Variants in ASB3 observed in about 807,000 individuals in gnomAD.
The protein encoded by ASB3 is ankyrin repeat and SOCS box containing 3.
In ASB3, 41 loss-of-function variants were observed where a neutral mutation model predicts 54.5. The ratio of observed to expected loss-of-function variants is 0.75; its 90% CI spans 0.59 to 0.98. The LOEUF (loss-of-function observed/expected upper bound fraction) is 0.98, where lower values mean the gene tolerates loss of function less well. Among genes scored for constraint, ASB3 ranks in the 50% least tolerant of loss-of-function variants. The probability of loss-of-function intolerance (pLI) is 0.00; values close to 1 mark genes in which losing one functional copy is unlikely to be tolerated. For missense variants in ASB3, 733 were observed against 620.0 expected (o/e 1.18, Z -1.94); for synonymous variants, 266 against 221.2 (o/e 1.20, Z -1.80).
At chr2:53,755,977 A>ACCCC (rs112277299) in intron 2 of ASB3, among the ~76,000 whole-genome samples, 2 of 132,878 alleles carry the variant, frequency 1.5e-5, no homozygotes, top group Non-Finnish European at 3.3e-5. Flanking sequence ...AAATAGTAAG[A>ACCCC]CCCCCCCCCC....
At chr2:53,671,528 G>A (rs1273071809) in intron 9 of ASB3, among the ~76,000 whole-genome samples, 1 of 152,204 alleles carries the variant, frequency 6.6e-6, no homozygotes, top group Non-Finnish European at 1.5e-5. Context: ...GGGAGGCTGA[G>A]GCGGGCAGAT....
At chr2:53,785,688 CA>C (rs142720043) in intron 1 of ASB3, among the ~76,000 whole-genome samples, 2,131 of 152,256 alleles carry the variant, frequency 0.014, 50 homozygotes, top group African/African-American at 0.049. Flanking sequence ...ACTAAAAATA[CA>C]AAAATTAGGG....
At chr2:53,737,724 G>GAAAAA (rs543660229) in intron 3 of ASB3, among the ~76,000 whole-genome samples, 1 of 63,876 alleles carries the variant, frequency 1.6e-5, no homozygotes. Context: ...TTTAAAAAAG[G>GAAAAA]AAAAAAAAAA....
chr2:53,767,838 C>A (rs773494026), intron 1 of ASB3: 7 of 1,560,416 alleles, frequency 4.5e-6, no homozygotes, highest in Non-Finnish European at 6.1e-6. Context: ...CCCGGCGGCG[C>A]GGCGACAGCT....
chr2:53,711,442 G>A (rs1012168421), intron 7 of ASB3, among the ~76,000 whole-genome samples: 3 of 151,972 alleles, frequency 2.0e-5, no homozygotes, highest in Admixed American at 2.0e-4. Flanking sequence ...TGGTGCCACT[G>A]GTGCTACTCA....
At chr2:53,704,301 A>G (rs1669648656) in intron 7 of ASB3, among the ~76,000 whole-genome samples, 1 of 150,842 alleles carries the variant, frequency 6.6e-6, no homozygotes, top group South Asian at 2.1e-4. Flanking sequence ...CAGAGGTTGC[A>G]GTGAGTCAAG....
intron 1 of ASB3, among the ~76,000 whole-genome samples, chr2:53,778,149 CAAAAAAAAAAA>C (rs34356077): frequency 6.4e-5 from 4 of 62,632 alleles, no homozygotes; most frequent in Non-Finnish European, 1.1e-4. Flanking sequence ...ATTCTTGTCT[CAAAAAAAAAAA>C]AAAAAAAAAA....
At chr2:53,710,007 T>C (rs1670001346) in intron 7 of ASB3, among the ~76,000 whole-genome samples, 1 of 152,196 alleles carries the variant, frequency 6.6e-6, no homozygotes, top group Non-Finnish European at 1.5e-5. Context: ...ATATGAGTGA[T>C]CCATGTCAGT....
chr2:53,695,509 T>C (rs928261520), intron 8 of ASB3, among the ~76,000 whole-genome samples: 1 of 152,074 alleles, frequency 6.6e-6, no homozygotes, highest in African/African-American at 2.4e-5. Flanking sequence ...AACGATTTCA[T>C]TTTTCTGCCT....
At chr2:53,774,278 C>A (rs757666573) in intron 1 of ASB3, 1 of 1,614,130 alleles carries the variant, frequency 6.2e-7, no homozygotes, top group Non-Finnish European at 8.5e-7. Flanking sequence ...ACAACAAAAC[C>A]ATTCAGTGTA....
intron 1 of ASB3, among the ~76,000 whole-genome samples, chr2:53,772,455 T>G (rs922239748): frequency 6.6e-6 from 1 of 152,148 alleles, no homozygotes; most frequent in Non-Finnish European, 1.5e-5. Flanking sequence ...ATTACAGGCA[T>G]GAGCCACCGC....
chr2:53,681,548 T>C (rs911937228), intron 9 of ASB3, among the ~76,000 whole-genome samples: 2 of 152,150 alleles, frequency 1.3e-5, no homozygotes, highest in Non-Finnish European at 2.9e-5. Flanking sequence ...TGGCCAGAGA[T>C]AGGGGTCTAG....
chr2:53,757,322 C>T (rs901068631), intron 2 of ASB3, among the ~76,000 whole-genome samples: 20 of 152,220 alleles, frequency 1.3e-4, no homozygotes, highest in African/African-American at 4.6e-4. Context: ...CGTTGGTCTG[C>T]CTGGAACCAG....
intron 1 of ASB3, among the ~76,000 whole-genome samples, chr2:53,782,144 T>A (rs1463773637): frequency 1.3e-5 from 2 of 152,168 alleles, no homozygotes; most frequent in African/African-American, 4.8e-5. Context: ...GCAACTGCAC[T>A]CTAGCCCGGG....
At chr2:53,738,395 T>C (rs1196543562) in intron 3 of ASB3, among the ~76,000 whole-genome samples, 2 of 152,216 alleles carry the variant, frequency 1.3e-5, no homozygotes, top group Admixed American at 1.3e-4. Context: ...TTCTCCAATA[T>C]AGAAGACAGA....
At chr2:53,777,833 T>G (rs1487848552) in intron 1 of ASB3, among the ~76,000 whole-genome samples, 1 of 152,162 alleles carries the variant, frequency 6.6e-6, no homozygotes, top group Non-Finnish European at 1.5e-5. Context: ...CTAAAAACAA[T>G]ATAACATTTT....
At chr2:53,738,439 T>C (rs1671760816) in intron 3 of ASB3, among the ~76,000 whole-genome samples, 1 of 152,236 alleles carries the variant, frequency 6.6e-6, no homozygotes, top group Non-Finnish European at 1.5e-5. Flanking sequence ...TTAATTTTAA[T>C]TAATTAAAAT....
In ASB3 at chr2:53,714,651, G is replaced by A. The variant is rs891855852; in HGVS notation, c.783-70C>T. ...CATAAATGTAGGCAACATTTCTATA[G>A]CACAATTTTTTTCAGAATTACCAAC... is the stretch of plus-strand genomic sequence containing the variant. On this transcript the variant is annotated intron_variant, in intron 6 of 9. Transcript: ENST00000263634. The A allele has an allele frequency of 6.9e-5, 104 of 1,515,392 alleles. No individual in the cohort carries two copies. The East Asian group carries it at 2.3e-3, about 33-fold the overall frequency. The allele number at this position is 1,515,392 out of a possible 1,614,324, so 93.9% of individuals were successfully genotyped here. A position where few individuals can be genotyped will look rare whatever the true frequency, so the allele number is the denominator to read the frequency against.
chr2:53,677,815 G>C (rs1460030899), intron 9 of ASB3, among the ~76,000 whole-genome samples: 1 of 152,118 alleles, frequency 6.6e-6, no homozygotes, highest in South Asian at 2.1e-4. Context: ...GTAGATTAGA[G>C]TGTCTTGCTG....
Sources: allele counts gnomAD v4.1 joint callset (sites outside exome capture counted in the v4.1 genomes callset), GRCh38; gene constraint gnomAD v4.1.1; transcripts MANE v1.5; gene names NCBI Gene and HGNC (gene_info 2026-07-23, HGNC 2026-07-21).